Variants in SARM1 observed in about 807,000 individuals in gnomAD.
SARM1 encodes NAD(+) hydrolase SARM1.
Under a neutral mutation model 65.1 loss-of-function variants are expected in SARM1, and 60 were observed. The ratio of observed to expected loss-of-function variants is 0.92; its 90% CI spans 0.75 to 1.14. SARM1 has a LOEUF of 1.14. SARM1 is among the 50% of genes most tolerant of loss of function. The probability of loss-of-function intolerance (pLI) is 0.00; values close to 1 mark genes in which losing one functional copy is unlikely to be tolerated. For synonymous variants in SARM1, 417 were observed against 465.4 expected (o/e 0.90, Z 1.34); for missense variants, 913 against 1,015.7 (o/e 0.90, Z 1.37).
In SARM1 at chr17:28,384,506, G is replaced by A. The variant is rs1161829609; in HGVS notation, c.1239G>A (p.Lys413=). 2 of 1,613,458 alleles carry A rather than the reference G, an allele frequency of 1.2e-6. No individual in the cohort carries two copies. The highest frequency in any genetic ancestry group is 1.7e-6 in the Non-Finnish European group (2 of 1,179,734). Residue 413 remains lysine (K), a synonymous_variant, in exon 3 of 9, where the codon AAG becomes AAA. Transcript: ENST00000585482. This position sits in a 1 kb window ranked among gnomAD's most constrained non-coding sequence, Gnocchi z 4.4. The part of the protein sequence containing the change: ...RPILPSVPSW[K]EAEVQTWLQQ... ...TCCTGCCCTCCGTGCCCAGCTGGAA[G>A]GAGGCCGAGGTTCAGACGTGGCTGC...
At chr17:28,381,138 A>T (rs1160970410) in intron 1 of SARM1, 65 bp from the exon 2 acceptor site, 1 of 1,516,030 alleles carries the variant, frequency 6.6e-7, no homozygotes, top group African/African-American at 1.4e-5. Context: ...CCAGGCCCCA[A>T]ACGGGCAAGC....
intron 1 of SARM1, among the ~76,000 whole-genome samples, chr17:28,376,362 C>T (rs935347017): frequency 3.4e-5 from 5 of 148,352 alleles, no homozygotes; most frequent in East Asian, 2.0e-4. Flanking sequence ...AGTTCAAGAC[C>T]GCCTGGCCAA....
chr17:28,388,766 CTTTTTTT>C (rs371410539), intron 7 of SARM1, among the ~76,000 whole-genome samples: 7 of 135,916 alleles, frequency 5.2e-5, no homozygotes, highest in Non-Finnish European at 9.6e-5. Flanking sequence ...TTTTCTTTTT[CTTTTTTT>C]TTTTTTTTTG....
In SARM1 at chr17:28,395,882, C is replaced by A. The variant is rs782470658; in HGVS notation, c.1924-23C>A. ...CCCTAGATGGGTACAGGGGTATCTTCCTCCTTTCCTTTCTTTCTCCAGGAG... is the reference window on the plus strand; with the variant it reads ...CCCTAGATGGGTACAGGGGTATCTTACTCCTTTCCTTTCTTTCTCCAGGAG... On this transcript the variant is annotated intron_variant, in intron 7 of 8. Coordinates refer to ENST00000585482, the MANE Select transcript of SARM1 (RefSeq NM_015077.4). 160 of 1,612,612 alleles carry A rather than the reference C, an allele frequency of 9.9e-5. 1 individual carries two copies. The Admixed American group carries it at 2.6e-3, about 27-fold the overall frequency.
intron 1 of SARM1, among the ~76,000 whole-genome samples, chr17:28,376,287 G>A (rs912149781): frequency 2.0e-5 from 3 of 151,898 alleles, no homozygotes; most frequent in East Asian, 3.9e-4. Flanking sequence ...GGCCAGGGGC[G>A]GTGGCTCACG....
intron 7 of SARM1, 70 bp downstream of exon 7, chr17:28,388,609 T>G: frequency 6.7e-7 from 1 of 1,485,516 alleles, no homozygotes; most frequent in Non-Finnish European, 9.2e-7. Flanking sequence ...TCGTCTTCTA[T>G]TCCTTCTTGT....
intron 1 of SARM1, among the ~76,000 whole-genome samples, chr17:28,378,957 T>C (rs782526753): frequency 6.6e-6 from 1 of 152,208 alleles, no homozygotes; most frequent in Non-Finnish European, 1.5e-5. Flanking sequence ...CACCTGCCCA[T>C]GTTACCTGAC....
Position 28,371,716 on chromosome 17 carries a change from G to T in SARM1, c.-317G>T, listed in dbSNP as rs1567803293. 4 of 260,716 alleles carry T rather than the reference G, an allele frequency of 1.5e-5. No homozygotes were observed. Among genetic ancestry groups the T allele is most frequent in the Non-Finnish European group, 2.9e-5 (4 of 137,956 alleles). 16.2% of individuals were successfully genotyped at this position (260,716 alleles called of 1,614,324 possible). On this transcript the variant is annotated 5_prime_UTR_variant, in exon 1 of 9. Transcript: ENST00000585482. The stretch of plus-strand genomic sequence containing the variant: ...AGCATCTCCCAGCTCAGCCGAGCCC[G>T]TGCCCAGGCCACGCTTTGTTCCAGC...
Position 28,388,217 on chromosome 17 carries a change from T to G in SARM1, c.1674T>G (p.Ser558Arg), listed in dbSNP as rs938798379. The G allele has an allele frequency of 7.7e-6, 12 of 1,550,360 alleles. No individual in the cohort carries two copies. The highest frequency in any genetic ancestry group is 1.4e-5 in the African/African-American group (1 of 72,938). Reference sequence around the variant, plus strand: ...TGCCCTGTACTGGTGGCAAACCCAGTGGGGACACTCCAGATGTCTTCATCA... The same window carrying G: ...TGCCCTGTACTGGTGGCAAACCCAGGGGGGACACTCCAGATGTCTTCATCA... ...SPLPCTGGKPSGDTPDVFISY... is the reference protein window; with the variant it reads ...SPLPCTGGKPRGDTPDVFISY... The change falls in exon 6 of 9, where the codon AGT becomes AGG. Residue 558 changes from serine (S) to arginine (R), a missense_variant. Coordinates refer to ENST00000585482, the MANE Select transcript of SARM1 (RefSeq NM_015077.4).
rs782533010 is a variant in SARM1 at position 28,395,888 on chromosome 17, T to C, written c.1924-17T>C. The C allele has an allele frequency of 1.9e-6, 3 of 1,613,118 alleles. No individual in the cohort carries two copies. The highest frequency in any genetic ancestry group is 2.2e-5 in the South Asian group (2 of 91,080). ...ATGGGTACAGGGGTATCTTCCTCCT[T>C]TCCTTTCTTTCTCCAGGAGATTGTG... is the stretch of plus-strand genomic sequence containing the variant. On this transcript the variant is annotated splice_polypyrimidine_tract_variant and intron_variant, in intron 7 of 8. Coordinates refer to ENST00000585482, the MANE Select transcript of SARM1 (RefSeq NM_015077.4).
chr17:28,387,435 G>A (rs2068057475), intron 5 of SARM1, among the ~76,000 whole-genome samples: 1 of 152,094 alleles, frequency 6.6e-6, no homozygotes. Flanking sequence ...TATTGGCCAG[G>A]CTGGTCTCGA....
intron 2 of SARM1, among the ~76,000 whole-genome samples, chr17:28,383,618 C>A (rs151218405): frequency 2.0e-5 from 3 of 152,196 alleles, no homozygotes; most frequent in Non-Finnish European, 4.4e-5. Flanking sequence ...CCTTTCCCAT[C>A]GAGGCCAAGT....
chr17:28,375,594 T>TA (rs201007293), intron 1 of SARM1, among the ~76,000 whole-genome samples: 1,144 of 94,754 alleles, frequency 0.012, 8 homozygotes, highest in Middle Eastern at 0.04. Flanking sequence ...AGACTCCATC[T>TA]AAAAAAAAAA....
chr17:28,382,022 T>C (rs1555585371), intron 2 of SARM1, among the ~76,000 whole-genome samples: 1 of 152,206 alleles, frequency 6.6e-6, no homozygotes, highest in East Asian at 1.9e-4. Context: ...AGGAAGACAC[T>C]AAGAAGCTTT....
Position 28,401,079 on chromosome 17 carries a change from G to A in SARM1, c.*4793G>A. 1 of 379,340 alleles carries A rather than the reference G, an allele frequency of 2.6e-6. No homozygotes were observed. The highest frequency in any genetic ancestry group is 2.3e-5 in the South Asian group (1 of 42,624). 23.5% of individuals were successfully genotyped at this position (379,340 alleles called of 1,614,324 possible). ...GATATTGTCTGATGAAAGCTTGATG[G>A]AAATGGCTTTTTTCTGGTTTATCCT... is the stretch of plus-strand genomic sequence containing the variant. On this transcript the variant is annotated 3_prime_UTR_variant, in exon 9 of 9. Transcript: ENST00000585482.
At chr17:28,391,701 T>C (rs2068080512) in intron 7 of SARM1, among the ~76,000 whole-genome samples, 1 of 125,094 alleles carries the variant, frequency 8.0e-6, no homozygotes, top group African/African-American at 3.2e-5. Flanking sequence ...CTCTATGCAA[T>C]TGCACCAAAA....
intron 1 of SARM1, among the ~76,000 whole-genome samples, chr17:28,376,403 C>A (rs368682892): frequency 8.4e-3 from 704 of 83,674 alleles, no homozygotes; most frequent in South Asian, 0.01. Flanking sequence ...ACTAAAAATA[C>A]AAAAAAAAAA....
chr17:28,380,398 A>T (rs1185564585), intron 1 of SARM1, among the ~76,000 whole-genome samples: 1 of 151,996 alleles, frequency 6.6e-6, no homozygotes, highest in Non-Finnish European at 1.5e-5. Context: ...CTTAGATGTC[A>T]CCTCTTCCCA....
At chr17:28,390,381 T>A (rs940850646) in intron 7 of SARM1, among the ~76,000 whole-genome samples, 1 of 152,120 alleles carries the variant, frequency 6.6e-6, no homozygotes, top group Non-Finnish European at 1.5e-5. Flanking sequence ...TGGCTCTTTG[T>A]TGATTATCTC....
Sources: gnomAD v4.1 joint callset for allele counts (sites outside exome capture counted in the v4.1 genomes callset) on GRCh38, gnomAD v4.1.1 for gene constraint, Gnocchi (gnomAD v3.1) non-coding constraint, MANE v1.5 for transcripts, NCBI Gene and HGNC (gene_info 2026-07-23, HGNC 2026-07-21) for gene names.